Variants in SYNE1 observed in about 807,000 individuals in gnomAD.
SYNE1 encodes nesprin-1.
A neutral mutation model predicts 1,111.0 loss-of-function variants in SYNE1; 616 were observed. The observed-to-expected ratio is 0.55, with a 90% CI of 0.52 to 0.59. The LOEUF (loss-of-function observed/expected upper bound fraction) is 0.59, where lower values mean the gene tolerates loss of function less well. Ranked by LOEUF, SYNE1 falls within the 20% of genes least tolerant of loss-of-function variation. The pLI is 0.00. For synonymous variants in SYNE1, 3,855 were observed against 3,825.8 expected (o/e 1.01, Z -0.28); for missense variants, 10,006 against 10,417.0 (o/e 0.96, Z 1.72).
At chr6:152,285,366 T>C (rs1456553283) in intron 95 of SYNE1, among the ~76,000 whole-genome samples, 2 of 152,188 alleles carry the variant, frequency 1.3e-5, no homozygotes, top group African/African-American at 4.8e-5. Flanking sequence ...AATGAGTCTA[T>C]CTGCTTACAC....
At chr6:152,390,600 A>C (rs1166094906) in intron 52 of SYNE1, 148 bp from the exon 53 acceptor site, 1 of 749,242 alleles carries the variant, frequency 1.3e-6, no homozygotes, top group Non-Finnish European at 2.2e-6. Flanking sequence ...ATTGCAATAT[A>C]ATATTGACTC....
intron 5 of SYNE1, among the ~76,000 whole-genome samples, chr6:152,523,139 A>G (rs940558884): frequency 1.3e-5 from 2 of 151,884 alleles, no homozygotes; most frequent in African/African-American, 4.8e-5. Context: ...GCCAATGTCT[A>G]GAGATTTTCT....
intron 36 of SYNE1, among the ~76,000 whole-genome samples, chr6:152,429,288 G>A (rs752200743): frequency 2.0e-5 from 3 of 151,820 alleles, no homozygotes; most frequent in Non-Finnish European, 4.4e-5. Flanking sequence ...TCTAAATATC[G>A]GAAAAGTAGA....
At chr6:152,252,434 G>C (rs1013965662) in intron 104 of SYNE1, among the ~76,000 whole-genome samples, 1 of 151,990 alleles carries the variant, frequency 6.6e-6, no homozygotes, top group Non-Finnish European at 1.5e-5. Flanking sequence ...TACGTCCATG[G>C]GTAAAATTTT....
intron 24 of SYNE1, among the ~76,000 whole-genome samples, chr6:152,454,166 T>TCACACATGTGCACACAGAAG (rs879709063): frequency 0.013 from 1,915 of 148,876 alleles, 116 homozygotes; most frequent in African/African-American, 0.047. Context: ...ATTGTCACAT[T>TCACACATGTGCACACAGAAG]CACACATGTG....
At chr6:152,166,972 G>A (rs936690151) in intron 130 of SYNE1, among the ~76,000 whole-genome samples, 5 of 152,052 alleles carry the variant, frequency 3.3e-5, no homozygotes, top group African/African-American at 4.8e-5. Context: ...TGGGTGAAGC[G>A]TCACAGTATT....
At chr6:152,179,829 C>T (rs1266475435) in intron 129 of SYNE1, among the ~76,000 whole-genome samples, 9 of 151,434 alleles carry the variant, frequency 5.9e-5, no homozygotes, top group Non-Finnish European at 1.2e-4. Context: ...GTACTACAGG[C>T]GCGCACCACC....
chr6:152,367,491 C>T (rs2097102137), intron 61 of SYNE1, 109 bp from the exon 62 acceptor site: 1 of 1,282,126 alleles, frequency 7.8e-7, no homozygotes, highest in Non-Finnish European at 1.1e-6. Context: ...ATACGCTGCA[C>T]AGATACGAGG....
intron 137 of SYNE1, chr6:152,145,331 T>C: frequency 1.4e-6 from 1 of 725,720 alleles, no homozygotes; most frequent in Non-Finnish European, 2.5e-6. Context: ...GGTGTGGATT[T>C]AACCAGCTGT....
Position 152,442,258 on chromosome 6 carries a change from A to G in SYNE1, c.3838-13T>C. On this transcript the variant is annotated splice_polypyrimidine_tract_variant and intron_variant, in intron 30 of 145. Transcript: ENST00000367255. ...GCTTTGTCTTTTGCTAGAAGCATTT[A>G]TTCAACAGATGGATATAAATTGTGC... 1.2e-6 allele frequency: 2 copies of G among 1,611,824 alleles called. No homozygotes were observed. The highest frequency in any genetic ancestry group is 1.7e-6 in the Non-Finnish European group (2 of 1,180,028).
intron 131 of SYNE1, among the ~76,000 whole-genome samples, chr6:152,162,178 T>C (rs998374278): frequency 6.6e-6 from 1 of 152,206 alleles, no homozygotes; most frequent in African/African-American, 2.4e-5. Flanking sequence ...TACAGCTCAA[T>C]AGGCAACTCA....
Position 152,309,974 on chromosome 6 carries a change from G to A in SYNE1, c.17063C>T (p.Ala5688Val). 6.2e-7 allele frequency: 1 copy of A among 1,614,090 alleles called. No individual in the cohort carries two copies. The highest frequency in any genetic ancestry group is 1.6e-4 in the Middle Eastern group (1 of 6,062). ...EMESLKPKVQ[A>V]VQLCQSALRI... is the part of the protein sequence containing the mutation. ...GAGGGCACTCTGGCAGAGCTGCACT[G>A]CTTGCACCTTCGGCTTCAGTGACTC... The change falls in exon 90 of 146, where the codon GCA (alanine) becomes GTA (valine). Residue 5688 changes from alanine (A) to valine (V), a missense_variant. Coordinates refer to ENST00000367255, the MANE Select transcript of SYNE1 (RefSeq NM_182961.4).
chr6:152,462,952 C>T (rs575944183), intron 19 of SYNE1, 62 bp from the exon 20 acceptor site: 1 of 1,581,168 alleles, frequency 6.3e-7, no homozygotes, highest in African/African-American at 1.3e-5. Flanking sequence ...ACTGGAACCA[C>T]AACTTTCACT....
intron 100 of SYNE1, among the ~76,000 whole-genome samples, chr6:152,266,446 T>A (rs945758804): frequency 1.3e-5 from 2 of 152,184 alleles, no homozygotes; most frequent in African/African-American, 4.8e-5. Flanking sequence ...TGAAGGCAAG[T>A]CTTGGCTCAA....
Position 152,419,671 on chromosome 6 carries a change from CA to C in SYNE1, c.5318del (p.Leu1773ArgfsTer24), listed in dbSNP as rs2098222412. 1 of 1,613,994 alleles carries C rather than the reference CA, an allele frequency of 6.2e-7. No homozygotes were observed. The highest frequency in any genetic ancestry group is 2.2e-5 in the East Asian group (1 of 44,856). ...TAATCCAGACAGAAAAGGAAAGCAG[CA>C]GCTCATCAAATTGCTGGTGTTCAGC... ...VVAEHQQFDE[L>X]LLSFSVWIKL... On this transcript the variant is annotated frameshift_variant, in exon 40 of 146. Coordinates refer to ENST00000367255, the MANE Select transcript of SYNE1 (RefSeq NM_182961.4). LOFTEE classifies it high-confidence loss of function.
Position 152,330,821 on chromosome 6 carries a change from G to A in SYNE1, c.13864C>T (p.Leu4622=). The A allele has an allele frequency of 6.2e-7, 1 of 1,613,974 alleles. No individual in the cohort carries two copies. Among genetic ancestry groups the A allele is most frequent in the South Asian group, 1.1e-5 (1 of 91,082 alleles). Residue 4622 remains leucine (L), a synonymous_variant, in exon 78 of 146, where the codon CTG becomes TTG. Transcript: ENST00000367255. ...AATATGGTCTGCCCAGTTCTCTGCA[G>A]CGTAAGTAGAAGATTTTCATATTCT... is the stretch of plus-strand genomic sequence containing the variant. ...SPEYENLLLT[L]QRTGQTILPS...
chr6:152,550,326 A>T (rs916573626), intron 3 of SYNE1, among the ~76,000 whole-genome samples: 1 of 152,162 alleles, frequency 6.6e-6, no homozygotes, highest in Admixed American at 6.5e-5. Context: ...TTTATCTTAT[A>T]ATTCTTAACC....
intron 59 of SYNE1, among the ~76,000 whole-genome samples, chr6:152,371,128 G>A (rs1211358300): frequency 6.6e-6 from 1 of 151,982 alleles, no homozygotes; most frequent in Non-Finnish European, 1.5e-5. Context: ...CCTGTTACTA[G>A]AGCCTCATGG....
At chr6:152,510,064 A>T in intron 8 of SYNE1, 129 bp downstream of exon 8, 1 of 945,732 alleles carries the variant, frequency 1.1e-6, no homozygotes, top group Non-Finnish European at 1.7e-6. Context: ...GGCAAGAGTG[A>T]AATAAGCGCT....
Sources: allele counts gnomAD v4.1 joint callset (sites outside exome capture counted in the v4.1 genomes callset), GRCh38; gene constraint gnomAD v4.1.1; transcripts MANE v1.5; gene names NCBI Gene and HGNC (gene_info 2026-07-23, HGNC 2026-07-21).